Variants in IGF1R observed in about 807,000 individuals in gnomAD.
IGF1R encodes insulin-like growth factor 1 receptor.
A neutral mutation model predicts 144.6 loss-of-function variants in IGF1R; 44 were observed. The observed-to-expected ratio is 0.30, with a 90% CI of 0.24 to 0.39. IGF1R has a LOEUF of 0.39. IGF1R is among the 10% of genes least tolerant of loss of function. IGF1R has a pLI of 1.00. For synonymous variants in IGF1R, 795 were observed against 722.8 expected, an observed-to-expected ratio of 1.10 and a Z score of -1.60; for missense variants, 1,355 against 1,833.7, an observed-to-expected ratio of 0.74 and a Z score of 4.77.
intron 2 of IGF1R, among the ~76,000 whole-genome samples, chr15:98,775,296 T>TA (rs2141379983): frequency 6.6e-6 from 1 of 152,276 alleles, no homozygotes; most frequent in South Asian, 2.1e-4. Context: ...CACAAGACTG[T>TA]AGGCAGATCT....
At chr15:98,687,888 C>G (rs1258008690) in intron 1 of IGF1R, among the ~76,000 whole-genome samples, 1 of 152,116 alleles carries the variant, frequency 6.6e-6, no homozygotes, top group Non-Finnish European at 1.5e-5. Flanking sequence ...AGTTACTTAA[C>G]TTCCTTGCTG....
chr15:98,691,336 CTTAA>C (rs956030907), intron 1 of IGF1R, among the ~76,000 whole-genome samples: 19 of 150,958 alleles, frequency 1.3e-4, no homozygotes, highest in Non-Finnish European at 2.8e-4. Context: ...CACACTGCCC[CTTAA>C]TTTGGAGTTG....
rs554094933 is a variant in IGF1R, at chr15:98,649,445, C to G, written c.-137C>G. 2.2e-4 allele frequency: 146 copies of G among 659,272 alleles called. No homozygotes were observed. The African/African-American group carries it at 2.6e-3, about 12-fold the overall frequency. The allele number at this position is 659,272 out of a possible 1,614,324, so 40.8% of individuals were successfully genotyped here. A position where few individuals can be genotyped will look rare whatever the true frequency, so the allele number is the denominator to read the frequency against. On this transcript the variant is annotated 5_prime_UTR_variant, in exon 1 of 21. Coordinates refer to ENST00000650285, the MANE Select transcript of IGF1R (RefSeq NM_000875.5). ...GGCGCCGCCTTCGGAGTATTGTTTC[C>G]TTCGCCCTTGTTTTTGGAGGGGGAG...
chr15:98,936,313 T>G (rs922227421), intron 17 of IGF1R, among the ~76,000 whole-genome samples: 3 of 152,236 alleles, frequency 2.0e-5, no homozygotes, highest in African/African-American at 7.2e-5. Flanking sequence ...ATGCAATTTT[T>G]CATTAAAAGT....
chr15:98,926,254 C>T (rs183901494), intron 13 of IGF1R, among the ~76,000 whole-genome samples: 10 of 152,172 alleles, frequency 6.6e-5, no homozygotes, highest in South Asian at 2.1e-4. Context: ...TCTGATAATG[C>T]GGAATCTAAG....
intron 2 of IGF1R, among the ~76,000 whole-genome samples, chr15:98,716,243 G>A (rs554771298): frequency 6.6e-6 from 1 of 152,162 alleles, no homozygotes; most frequent in Non-Finnish European, 1.5e-5. Flanking sequence ...GTTACTGAGG[G>A]TTTCCGTGGT....
chr15:98,952,105 C>T (rs1474218663), intron 20 of IGF1R, among the ~76,000 whole-genome samples: 1 of 152,228 alleles, frequency 6.6e-6, no homozygotes, highest in Non-Finnish European at 1.5e-5. Flanking sequence ...CCTGCTGTGC[C>T]CTAGAGTAAA....
chr15:98,911,998 T>C (rs191805125), intron 7 of IGF1R, among the ~76,000 whole-genome samples: 4 of 152,348 alleles, frequency 2.6e-5, no homozygotes, highest in African/African-American at 9.6e-5. Context: ...TGACTTCTCC[T>C]AGACTCTGTT....
At position 98,803,410 on chromosome 15, in the gene IGF1R, C is replaced by A. The variant is rs931252644; in HGVS notation, c.641-87915C>A. Reference sequence around the variant, plus strand: ...GTCAGGCTTGCAGGACCAGAAGTTGCTCTGGGTGAGTCAGTGAGTCAGTGG... The same window carrying A: ...GTCAGGCTTGCAGGACCAGAAGTTGATCTGGGTGAGTCAGTGAGTCAGTGG... On this transcript the variant is annotated intron_variant, in intron 2 of 20. Coordinates refer to ENST00000650285, the MANE Select transcript of IGF1R (RefSeq NM_000875.5). 2.6e-5 allele frequency among the ~76,000 whole-genome samples: 4 copies of A among 152,148 alleles called. No individual in the cohort carries two copies. The East Asian group carries it at 7.7e-4, about 29-fold the overall frequency.
chr15:98,927,892 A>T (rs1223370752), intron 13 of IGF1R, among the ~76,000 whole-genome samples: 1 of 152,148 alleles, frequency 6.6e-6, no homozygotes, highest in East Asian at 1.9e-4. Context: ...CCACATAGAC[A>T]TCTGTATTTG....
chr15:98,707,686 C>T lies in IGF1R; in HGVS notation c.219C>T (p.Tyr73=), dbSNP rs2053898792. Residue 73 remains tyrosine (Y), a synonymous_variant, in exon 2 of 21, where the codon TAC becomes TAT. Transcript: ENST00000650285. This position sits in a 1 kb window ranked among gnomAD's most constrained non-coding sequence, Gnocchi z 6.7. ...LISKAEDYRS[Y]RFPKLTVITE... ...CCAAGGCCGAGGACTACCGCAGCTA[C>T]CGCTTCCCCAAGCTCACGGTCATTA... is the stretch of plus-strand genomic sequence containing the variant. 1 of 1,614,172 alleles carries T rather than the reference C, an allele frequency of 6.2e-7. No homozygotes were observed. The highest frequency in any genetic ancestry group is 8.5e-7 in the Non-Finnish European group (1 of 1,180,042).
chr15:98,963,032 A>G lies in IGF1R; in HGVS notation c.*5590A>G, dbSNP rs1249317182. Reference sequence around the variant, plus strand: ...ATTAGCGTTTTCAATAGGGCTCTTAAGTCCAGTAGATTACGGGTAGTCAGT... The same window carrying G: ...ATTAGCGTTTTCAATAGGGCTCTTAGGTCCAGTAGATTACGGGTAGTCAGT... On this transcript the variant is annotated 3_prime_UTR_variant, in exon 21 of 21. Transcript: ENST00000650285. The G allele has an allele frequency of 4.3e-6, 1 of 233,596 alleles. No individual in the cohort carries two copies. Among genetic ancestry groups the G allele is most frequent in the East Asian group, 6.0e-5 (1 of 16,602 alleles). The allele number at this position is 233,596 out of a possible 1,614,324, so 14.5% of individuals were successfully genotyped here. A position where few individuals can be genotyped will look rare whatever the true frequency, so the allele number is the denominator to read the frequency against.
At chr15:98,696,686 C>T (rs1357785531) in intron 1 of IGF1R, among the ~76,000 whole-genome samples, 1 of 152,178 alleles carries the variant, frequency 6.6e-6, no homozygotes, top group Non-Finnish European at 1.5e-5. Flanking sequence ...TACCAGGGGG[C>T]TTGAGTGTCG....
At chr15:98,913,418 A>T in intron 8 of IGF1R, 136 bp downstream of exon 8, 1 of 792,170 alleles carries the variant, frequency 1.3e-6, no homozygotes, top group Non-Finnish European at 2.3e-6. Flanking sequence ...ATACTGTGTC[A>T]TATTCATTTC....
chr15:98,959,642 G>A lies in IGF1R; in HGVS notation c.*2200G>A, dbSNP rs943700717. The stretch of plus-strand genomic sequence containing the variant: ...CCTTGGGGCCCAGGGGTCTTGTCTT[G>A]TTTCATTTTTAGCACTTCTCACCAG... On this transcript the variant is annotated 3_prime_UTR_variant, in exon 21 of 21. Coordinates refer to ENST00000650285, the MANE Select transcript of IGF1R (RefSeq NM_000875.5). 1.3e-5 allele frequency: 3 copies of A among 233,538 alleles called. No individual in the cohort carries two copies. Among genetic ancestry groups the A allele is most frequent in the African/African-American group, 2.2e-5 (1 of 45,350 alleles). The allele number at this position is 233,538 out of a possible 1,614,324, so 14.5% of individuals were successfully genotyped here.
At chr15:98,837,504 A>C (rs1027745328) in intron 2 of IGF1R, among the ~76,000 whole-genome samples, 1 of 152,132 alleles carries the variant, frequency 6.6e-6, no homozygotes, top group African/African-American at 2.4e-5. Context: ...TGCTGGGATT[A>C]CAGGCATGAG....
rs58675410 is a variant in IGF1R, at chr15:98,805,503, G to GGTGTGTGT, written c.641-85810_641-85803dup. Among the ~76,000 whole-genome samples, 9 of 150,164 alleles carry GGTGTGTGT rather than the reference G, an allele frequency of 6.0e-5. 1 individual carries two copies. Among genetic ancestry groups the GGTGTGTGT allele is most frequent in the African/African-American group, 1.9e-4 (8 of 41,026 alleles). ...TCCAAAAGGGTGCCTGTGTGTGTAT[G>GGTGTGTGT]GTGTGTGTGTGTGTGTGTGATTCAG... On this transcript the variant is annotated intron_variant, in intron 2 of 20. Transcript: ENST00000650285.
At chr15:98,907,859 C>T (rs550193265) in intron 5 of IGF1R, among the ~76,000 whole-genome samples, 22 of 152,354 alleles carry the variant, frequency 1.4e-4, no homozygotes, top group African/African-American at 4.6e-4. Flanking sequence ...GGAACTCAGC[C>T]TCTCCTAGAT....
Position 98,913,051 on chromosome 15 carries a change from A to G in IGF1R, c.1597A>G (p.Lys533Glu), listed in dbSNP as rs1243268914. The change falls in exon 8 of 21, where the codon AAG becomes GAG. Residue 533 changes from lysine (K) to glutamate (E), a missense_variant. Around this residue, in one of 7 missense-constraint regions of IGF1R, gnomAD observed 880 missense variants for 1,202.7 expected, o/e 0.73. Transcript: ENST00000650285. ...AACTTAATTGTCTTTCAGACCCTTT[A>G]AGAATGTCACAGAGTATGATGGGCA... is the stretch of plus-strand genomic sequence containing the variant. ...FTVYYKEAPFKNVTEYDGQDA... is the reference protein window; with the variant it reads ...FTVYYKEAPFENVTEYDGQDA... 95 of 1,612,094 alleles carry G rather than the reference A, an allele frequency of 5.9e-5. No individual in the cohort carries two copies. Among genetic ancestry groups the G allele is most frequent in the Non-Finnish European group, 8.0e-5 (94 of 1,178,204 alleles).
Sources: gnomAD v4.1 joint callset for allele counts (sites outside exome capture counted in the v4.1 genomes callset) on GRCh38, gnomAD v4.1.1 for gene constraint, gnomAD v4.1.1 regional missense constraint, Gnocchi (gnomAD v3.1) non-coding constraint, MANE v1.5 for transcripts, NCBI Gene and HGNC (gene_info 2026-07-23, HGNC 2026-07-21) for gene names.